The following CLIC6 variants were observed in gnomAD, a reference collection of about 807,000 sequenced individuals.
CLIC6 encodes chloride intracellular channel protein 6.
CLIC6 carries 39 observed loss-of-function variants against 49.2 expected under a neutral mutation model. That is an observed-to-expected ratio of 0.79 (90% confidence interval 0.61 to 1.04). CLIC6 has a LOEUF of 1.04. Ranked by LOEUF, CLIC6 falls within the 50% of genes least tolerant of loss-of-function variation. The probability of loss-of-function intolerance (pLI) is 0.00; values close to 1 mark genes in which losing one functional copy is unlikely to be tolerated. For missense variants in CLIC6, 988 were observed against 993.1 expected (o/e 0.99, Z 0.07); for synonymous variants, 446 against 433.4 (o/e 1.03, Z -0.36).
rs2056098163 is a variant in CLIC6, at chr21:34,718,122, G to A, written c.*1640G>A. On this transcript the variant is annotated 3_prime_UTR_variant, in exon 6 of 6. Transcript: ENST00000349499. Reference sequence around the variant, plus strand: ...AGCATGATAAATGATTAGACTACCAGATGTTACTAGTGCTAACTTTGTATT... The same window carrying A: ...AGCATGATAAATGATTAGACTACCAAATGTTACTAGTGCTAACTTTGTATT... 6.6e-6 allele frequency: 1 copy of A among 152,616 alleles called. No homozygotes were observed. Among genetic ancestry groups the A allele is most frequent in the African/African-American group, 2.4e-5 (1 of 41,440 alleles). The allele number at this position is 152,616 out of a possible 1,614,324, so 9.5% of individuals were successfully genotyped here. A position where few individuals can be genotyped will look rare whatever the true frequency, so the allele number is the denominator to read the frequency against.
At chr21:34,688,666 G>A (rs1226960913) in intron 1 of CLIC6, among the ~76,000 whole-genome samples, 2 of 152,226 alleles carry the variant, frequency 1.3e-5, no homozygotes, top group African/African-American at 4.8e-5. Context: ...GGAGAAGAAG[G>A]TGACTGAGCT....
At chr21:34,703,278 T>A (rs1469367704) in intron 1 of CLIC6, among the ~76,000 whole-genome samples, 1 of 152,192 alleles carries the variant, frequency 6.6e-6, no homozygotes, top group Non-Finnish European at 1.5e-5. Flanking sequence ...TAGAGAAAAG[T>A]GCTTACTTGA....
chr21:34,690,052 C>T (rs977990592), intron 1 of CLIC6, among the ~76,000 whole-genome samples: 1 of 152,126 alleles, frequency 6.6e-6, no homozygotes. Flanking sequence ...GTCTGTTTCC[C>T]ATAGTTGGAT....
rs1378695266 is a variant in CLIC6 at position 34,717,222 on chromosome 21, C to G, written c.*740C>G. ...TATCCGTGTCTCTGGTTCCAGCTTC[C>G]TGTCTTTGCTCCCTCCCCTCTCTTA... On this transcript the variant is annotated 3_prime_UTR_variant, in exon 6 of 6. Transcript: ENST00000349499. 1 of 152,178 alleles carries G rather than the reference C, an allele frequency of 6.6e-6. No homozygotes were observed. The highest frequency in any genetic ancestry group is 2.4e-5 in the African/African-American group (1 of 41,422). 9.4% of individuals were successfully genotyped at this position (152,178 alleles called of 1,614,324 possible). A position where few individuals can be genotyped will look rare whatever the true frequency, so the allele number is the denominator to read the frequency against.
Position 34,670,490 on chromosome 21 carries a change from G to T in CLIC6, c.1102G>T (p.Gly368Trp). The T allele has an allele frequency of 6.7e-7, 1 of 1,494,446 alleles. No homozygotes were observed. The highest frequency in any genetic ancestry group is 1.3e-5 in the South Asian group (1 of 75,678). The allele number at this position is 1,494,446 out of a possible 1,614,324, so 92.6% of individuals were successfully genotyped here. ...AGGGGATGGGCCACAGCAGGAGCCGGGGGAGGACGAAGAGAGACGAGAGCG... is the reference window on the plus strand; with the variant it reads ...AGGGGATGGGCCACAGCAGGAGCCGTGGGAGGACGAAGAGAGACGAGAGCG... ...RVGDGPQQEPGEDEERRERSP... is the reference protein window; with the variant it reads ...RVGDGPQQEPWEDEERRERSP... The change falls in exon 1 of 6, where the codon GGG (glycine) becomes TGG (tryptophan). Residue 368 changes from glycine to tryptophan, a missense_variant. By Grantham distance (184) the Gly-to-Trp change is radical. This residue lies in a region of CLIC6 where 647 missense variants were observed against 596.9 expected (regional missense o/e 1.08). Transcript: ENST00000349499.
chr21:34,716,337 A>G lies in CLIC6; in HGVS notation c.1916A>G (p.Tyr639Cys), dbSNP rs752005065. 2 of 1,612,482 alleles carry G rather than the reference A, an allele frequency of 1.2e-6. No homozygotes were observed. The highest frequency in any genetic ancestry group is 1.7e-6 in the Non-Finnish European group (2 of 1,179,626). ...CATTTTCAGATTGTGGCCAAGAAGT[A>G]CAGAGATTTTGAATTTCCTTCTGAA... ...LHIIKIVAKKYRDFEFPSEMT... is the reference protein window; with the variant it reads ...LHIIKIVAKKCRDFEFPSEMT... The change falls in exon 6 of 6, where the codon TAC becomes TGC. Residue 639 changes from tyrosine to cysteine, a missense_variant. This residue lies in a region of CLIC6 where 647 missense variants were observed against 596.9 expected (regional missense o/e 1.08). Transcript: ENST00000349499.
intron 1 of CLIC6, among the ~76,000 whole-genome samples, chr21:34,699,106 T>A (rs1990141430): frequency 6.6e-6 from 1 of 152,228 alleles, no homozygotes; most frequent in South Asian, 2.1e-4. Context: ...TGAAGTTCAG[T>A]TTCCTTGTTT....
chr21:34,712,422 A>G (rs2056062737), intron 5 of CLIC6, among the ~76,000 whole-genome samples: 1 of 152,222 alleles, frequency 6.6e-6, no homozygotes, highest in Admixed American at 6.5e-5. Flanking sequence ...CCACAGAACC[A>G]TTACATGTTT....
At chr21:34,711,405 G>C (rs118102150) in intron 5 of CLIC6, among the ~76,000 whole-genome samples, 2 of 151,938 alleles carry the variant, frequency 1.3e-5, no homozygotes, top group African/African-American at 4.8e-5. Context: ...GGTGGTGTGC[G>C]CCTGTAGTCC....
Position 34,708,611 on chromosome 21 carries a change from C to T in CLIC6, c.1611-89C>T. 3.4e-6 allele frequency: 3 copies of T among 887,834 alleles called. No individual in the cohort carries two copies. In the South Asian group the frequency reaches 4.6e-5, roughly 14 times the overall value. 55.0% of individuals were successfully genotyped at this position (887,834 alleles called of 1,614,324 possible). ...TGAAGGAAAGCTTTTCATTTTTATG[C>T]CCAGAGAAAGCTGTTTTTCTCCATT... is the stretch of plus-strand genomic sequence containing the variant. On this transcript the variant is annotated intron_variant, in intron 3 of 5. Coordinates refer to ENST00000349499, the MANE Select transcript of CLIC6 (RefSeq NM_053277.3).
rs1989988524 is a variant in CLIC6, at chr21:34,691,282, C to T, written c.1375-15998C>T. ...CTAACAGTTAAAACTGGAGAAGTCA[C>T]TCCTCTGAACATATTGATAGTTCTA... On this transcript the variant is annotated intron_variant, in intron 1 of 5. Coordinates refer to ENST00000349499, the MANE Select transcript of CLIC6 (RefSeq NM_053277.3). Among the ~76,000 whole-genome samples the T allele has an allele frequency of 2.0e-5, 3 of 152,178 alleles. No individual in the cohort carries two copies. The South Asian group carries it at 6.2e-4, about 32-fold the overall frequency.
At chr21:34,686,322 A>C (rs148575134) in intron 1 of CLIC6, among the ~76,000 whole-genome samples, 1 of 152,004 alleles carries the variant, frequency 6.6e-6, no homozygotes, top group Non-Finnish European at 1.5e-5. Flanking sequence ...AATCACTTGA[A>C]CTCAAGAGGC....
In CLIC6 at chr21:34,669,365, G is replaced by A. The variant is rs909863910; in HGVS notation, c.-24G>A. On this transcript the variant is annotated 5_prime_UTR_variant, in exon 1 of 6. Coordinates refer to ENST00000349499, the MANE Select transcript of CLIC6 (RefSeq NM_053277.3). Reference sequence around the variant, plus strand: ...TAAGCAGCGTCAAGGAAGGAGTCCCGATCAAGGACAGGGATCTGCGGCCAT... The same window carrying A: ...TAAGCAGCGTCAAGGAAGGAGTCCCAATCAAGGACAGGGATCTGCGGCCAT... 1.5e-5 allele frequency: 19 copies of A among 1,235,914 alleles called. No homozygotes were observed. In the Middle Eastern group the frequency reaches 7.1e-4, roughly 46 times the overall value. The allele number at this position is 1,235,914 out of a possible 1,614,324, so 76.6% of individuals were successfully genotyped here.
Position 34,707,969 on chromosome 21 carries a change from G to A in CLIC6, c.1510G>A (p.Ala504Thr). The change falls in exon 3 of 6, where the codon GCT becomes ACT. Residue 504 changes from alanine to threonine, a missense_variant. Ala to Thr is a moderately conservative substitution (Grantham distance 58). This residue lies in a region of CLIC6 where 647 missense variants were observed against 596.9 expected (regional missense o/e 1.08). Coordinates refer to ENST00000349499, the MANE Select transcript of CLIC6 (RefSeq NM_053277.3). Reference sequence around the variant, plus strand: ...GAAACCCGCAGACCTGCAGAACCTGGCTCCCGGAACAAACCCTCCTTTCAT... The same window carrying A: ...GAAACCCGCAGACCTGCAGAACCTGACTCCCGGAACAAACCCTCCTTTCAT... ...KRKPADLQNL[A>T]PGTNPPFMTF... 6.2e-7 allele frequency: 1 copy of A among 1,614,124 alleles called. No individual in the cohort carries two copies. The highest frequency in any genetic ancestry group is 8.5e-7 in the Non-Finnish European group (1 of 1,180,014).
chr21:34,716,165 A>C (rs964801384), intron 5 of CLIC6, among the ~76,000 whole-genome samples, 156 bp from the exon 6 acceptor site: 1 of 152,210 alleles, frequency 6.6e-6, no homozygotes, highest in Admixed American at 6.5e-5. Flanking sequence ...GGCCCTATGC[A>C]AGTCAAGATG....
At position 34,716,457 on chromosome 21, in the gene CLIC6, C is replaced by T. The variant is rs1441509580; in HGVS notation, c.2036C>T (p.Ser679Leu). ...PADQEIEHAY[S>L]DVAKRMK ...GATCAAGAGATTGAACACGCATATTCAGATGTTGCAAAAAGAATGAAATGA... is the reference window on the plus strand; with the variant it reads ...GATCAAGAGATTGAACACGCATATTTAGATGTTGCAAAAAGAATGAAATGA... The change falls in exon 6 of 6, where the codon TCA (serine) becomes TTA (leucine). Residue 679 changes from serine (S) to leucine (L), a missense_variant. Ser to Leu is a moderately radical substitution (Grantham distance 145). Coordinates refer to ENST00000349499, the MANE Select transcript of CLIC6 (RefSeq NM_053277.3). 4 of 1,611,310 alleles carry T rather than the reference C, an allele frequency of 2.5e-6. 1 individual carries two copies. Among genetic ancestry groups the T allele is most frequent in the Admixed American group, 3.4e-5 (2 of 59,398 alleles).
chr21:34,692,183 G>A (rs2834586), intron 1 of CLIC6, among the ~76,000 whole-genome samples: 25,568 of 151,894 alleles, frequency 0.17, 2,213 homozygotes, highest in Non-Finnish European at 0.2. Flanking sequence ...AGGTGTCACC[G>A]TTGAGAAGGT....
At chr21:34,674,242 C>T (rs752004729) in intron 1 of CLIC6, among the ~76,000 whole-genome samples, 4 of 152,216 alleles carry the variant, frequency 2.6e-5, no homozygotes, top group Non-Finnish European at 4.4e-5. Context: ...CACACCATTA[C>T]ACCCAGCTAG....
At position 34,669,263 on chromosome 21, in the gene CLIC6, C is replaced by T. The variant is rs1326503655; in HGVS notation, c.-126C>T. ...CAGTGCCCCGGCTAAACCTTTGCCGCAGGATCCCGGAGCCGGCGTCCTTCA... is the reference window on the plus strand; with the variant it reads ...CAGTGCCCCGGCTAAACCTTTGCCGTAGGATCCCGGAGCCGGCGTCCTTCA... On this transcript the variant is annotated 5_prime_UTR_variant, in exon 1 of 6. Coordinates refer to ENST00000349499, the MANE Select transcript of CLIC6 (RefSeq NM_053277.3). The T allele has an allele frequency of 7.6e-6, 6 of 790,114 alleles. No homozygotes were observed. Among genetic ancestry groups the T allele is most frequent in the Non-Finnish European group, 3.4e-6 (2 of 585,262 alleles). 48.9% of individuals were successfully genotyped at this position (790,114 alleles called of 1,614,324 possible).
Sources: allele counts gnomAD v4.1 joint callset (sites outside exome capture counted in the v4.1 genomes callset), GRCh38; gene constraint gnomAD v4.1.1; regional missense constraint gnomAD v4.1.1; transcripts MANE v1.5; gene names NCBI Gene and HGNC (gene_info 2026-07-23, HGNC 2026-07-21).